PTPRM: variants seen among roughly 807,000 people sequenced by gnomAD.
PTPRM encodes protein tyrosine phosphatase receptor type M.
Under a neutral mutation model 186.7 loss-of-function variants are expected in PTPRM, and 47 were observed. The ratio of observed to expected loss-of-function variants is 0.25; its 90% CI spans 0.20 to 0.32. PTPRM has a LOEUF of 0.32. PTPRM is among the 10% of genes least tolerant of loss of function. The pLI is 1.00. For synonymous variants in PTPRM, 668 were observed against 674.9 expected (o/e 0.99, Z 0.16); for missense variants, 1,494 against 1,865.0 (o/e 0.80, Z 3.66).
At chr18:7,620,249 G>T (rs2037905645) in intron 1 of PTPRM, among the ~76,000 whole-genome samples, 1 of 152,094 alleles carries the variant, frequency 6.6e-6, no homozygotes, top group Admixed American at 6.6e-5. Context: ...TTTGTTTCTT[G>T]TTGTCTGTTT....
At chr18:7,684,854 G>A (rs1413079934) in intron 1 of PTPRM, among the ~76,000 whole-genome samples, 1 of 151,908 alleles carries the variant, frequency 6.6e-6, no homozygotes, top group Admixed American at 6.6e-5. Context: ...TTCTTTTTTG[G>A]GTAAATACAC....
At chr18:7,793,305 G>A (rs1162843626) in intron 2 of PTPRM, among the ~76,000 whole-genome samples, 2 of 152,198 alleles carry the variant, frequency 1.3e-5, no homozygotes, top group East Asian at 1.9e-4. Flanking sequence ...TTATTCGTCT[G>A]TAAAATGGGG....
At chr18:7,733,595 A>G (rs2040707211) in intron 1 of PTPRM, among the ~76,000 whole-genome samples, 1 of 152,196 alleles carries the variant, frequency 6.6e-6, no homozygotes, top group African/African-American at 2.4e-5. Context: ...CTTTGAGAAT[A>G]TGCCCAGTAA....
At chr18:8,292,478 A>G (rs983334556) in intron 19 of PTPRM, among the ~76,000 whole-genome samples, 1 of 152,230 alleles carries the variant, frequency 6.6e-6, no homozygotes. Flanking sequence ...AATTGGCTAT[A>G]TAATTGAAGG....
chr18:8,320,450 T>G (rs1029179188), intron 22 of PTPRM, among the ~76,000 whole-genome samples: 20 of 152,198 alleles, frequency 1.3e-4, no homozygotes, highest in Admixed American at 1.1e-3. Context: ...CTTTCTGCAG[T>G]GGTGGGAATG....
At chr18:8,335,062 G>T (rs75899058) in intron 22 of PTPRM, among the ~76,000 whole-genome samples, 1 of 152,078 alleles carries the variant, frequency 6.6e-6, no homozygotes, top group African/African-American at 2.4e-5. Context: ...TTCTAAAACC[G>T]GAACTTTCCT....
At chr18:7,755,623 G>A (rs1462533475) in intron 1 of PTPRM, among the ~76,000 whole-genome samples, 7 of 152,210 alleles carry the variant, frequency 4.6e-5, no homozygotes, top group Non-Finnish European at 8.8e-5. Flanking sequence ...GAAATAAAAT[G>A]AGATGAAAAC....
intron 19 of PTPRM, among the ~76,000 whole-genome samples, chr18:8,257,842 C>T (rs2094588598): frequency 6.6e-6 from 1 of 152,268 alleles, no homozygotes; most frequent in African/African-American, 2.4e-5. Context: ...TCTTCTTTAT[C>T]GTTTTCAAGA....
intron 1 of PTPRM, among the ~76,000 whole-genome samples, chr18:7,661,794 G>A (rs2038986500): frequency 6.6e-6 from 1 of 152,180 alleles, no homozygotes; most frequent in African/African-American, 2.4e-5. Flanking sequence ...AGTATTGAAT[G>A]GCATCTGATG....
At chr18:7,940,171 A>G (rs1171774747) in intron 5 of PTPRM, among the ~76,000 whole-genome samples, 1 of 152,184 alleles carries the variant, frequency 6.6e-6, no homozygotes, top group African/African-American at 2.4e-5. Context: ...ACATCTTAAA[A>G]TCAATTTAGT....
intron 13 of PTPRM, among the ~76,000 whole-genome samples, chr18:8,116,573 A>T (rs1017924430): frequency 2.0e-5 from 3 of 152,190 alleles, no homozygotes; most frequent in Admixed American, 6.5e-5. Context: ...TGTAAGCATC[A>T]GACCTCCTCT....
chr18:7,586,001 T>G (rs2036969362), intron 1 of PTPRM, among the ~76,000 whole-genome samples: 1 of 152,192 alleles, frequency 6.6e-6, no homozygotes, highest in South Asian at 2.1e-4. Flanking sequence ...TCTTAAGCGC[T>G]TTTTAATTAT....
At chr18:8,194,889 T>G (rs2093755213) in intron 14 of PTPRM, among the ~76,000 whole-genome samples, 1 of 152,222 alleles carries the variant, frequency 6.6e-6, no homozygotes, top group African/African-American at 2.4e-5. Context: ...TGAGCTGCAC[T>G]CGCCTCTTTT....
intron 2 of PTPRM, among the ~76,000 whole-genome samples, chr18:7,778,319 A>C (rs2042689711): frequency 6.6e-6 from 1 of 152,020 alleles, no homozygotes; most frequent in Non-Finnish European, 1.5e-5. Flanking sequence ...ATAGTAGATT[A>C]AACTTTTGCT....
At chr18:7,697,883 C>T (rs541369622) in intron 1 of PTPRM, among the ~76,000 whole-genome samples, 11 of 152,274 alleles carry the variant, frequency 7.2e-5, no homozygotes, top group African/African-American at 2.4e-4. Flanking sequence ...AAAGTGTTCT[C>T]CAGAAAATGC....
chr18:8,088,456 C>A (rs1448062022), intron 10 of PTPRM, among the ~76,000 whole-genome samples: 1 of 151,824 alleles, frequency 6.6e-6, no homozygotes, highest in East Asian at 1.9e-4. Flanking sequence ...AAGCTATGCT[C>A]ATTTAGCCAG....
At chr18:8,087,756 A>G (rs569193461) in intron 10 of PTPRM, among the ~76,000 whole-genome samples, 1 of 152,186 alleles carries the variant, frequency 6.6e-6, no homozygotes, top group Non-Finnish European at 1.5e-5. Flanking sequence ...AGTAACCCAT[A>G]TCTGTTATAA....
chr18:8,065,810 T>G (rs2089024041), intron 7 of PTPRM, among the ~76,000 whole-genome samples: 1 of 152,140 alleles, frequency 6.6e-6, no homozygotes, highest in South Asian at 2.1e-4. Flanking sequence ...GTGCCATGTT[T>G]TGGGGGGACA....
intron 2 of PTPRM, among the ~76,000 whole-genome samples, chr18:7,866,245 T>C (rs535003521): frequency 1.4e-4 from 22 of 152,158 alleles, no homozygotes; most frequent in Non-Finnish European, 2.6e-4. Flanking sequence ...ATTTTGTTTG[T>C]TCTTGCTTCT....
Sources: gnomAD v4.1 joint callset for allele counts (sites outside exome capture counted in the v4.1 genomes callset) on GRCh38, gnomAD v4.1.1 for gene constraint, MANE v1.5 for transcripts, NCBI Gene and HGNC (gene_info 2026-07-23, HGNC 2026-07-21) for gene names.